Variants in SLC17A3 observed in about 807,000 individuals in gnomAD.
The protein encoded by SLC17A3 is solute carrier family 17 member 3.
SLC17A3 carries 61 observed loss-of-function variants against 60.3 expected under a neutral mutation model. That is an observed-to-expected ratio of 1.01 (90% CI 0.82 to 1.25). SLC17A3 has a LOEUF of 1.25. Among genes scored for constraint, SLC17A3 ranks in the 50% most tolerant of loss-of-function variants. The pLI is 0.00. For synonymous variants in SLC17A3, 192 were observed against 208.9 expected (o/e 0.92, Z 0.70); for missense variants, 624 against 594.9 (o/e 1.05, Z -0.51).
At chr6:25,849,614 T>C (rs771942336) in intron 10 of SLC17A3, 150 bp from the exon 11 acceptor site, 157 of 751,618 alleles carry the variant, frequency 2.1e-4, no homozygotes, top group Non-Finnish European at 3.0e-4. Flanking sequence ...ACTTGCACTA[T>C]GTATATTCAA....
intron 1 of SLC17A3, among the ~76,000 whole-genome samples, chr6:25,869,406 CA>C (rs1014325385): frequency 3.9e-5 from 6 of 151,948 alleles, no homozygotes; most frequent in Non-Finnish European, 7.4e-5. Flanking sequence ...TACTTAACCA[CA>C]ACTGCCCTGA....
At chr6:25,846,035 C>G (rs1765168816) in intron 11 of SLC17A3, among the ~76,000 whole-genome samples, 1 of 152,122 alleles carries the variant, frequency 6.6e-6, no homozygotes, top group African/African-American at 2.4e-5. Flanking sequence ...ATATGAAATA[C>G]CTATGCATAC....
chr6:25,847,267 T>A (rs1015570417), intron 11 of SLC17A3, among the ~76,000 whole-genome samples: 3 of 152,242 alleles, frequency 2.0e-5, no homozygotes, highest in Non-Finnish European at 4.4e-5. Flanking sequence ...TTCTGAATAG[T>A]ATTTCATGGT....
intron 2 of SLC17A3, among the ~76,000 whole-genome samples, chr6:25,864,787 G>A (rs1279607632): frequency 6.6e-6 from 1 of 151,922 alleles, no homozygotes; most frequent in Non-Finnish European, 1.5e-5. Flanking sequence ...ATAACATTGG[G>A]AGTTAATAAC....
intron 2 of SLC17A3, among the ~76,000 whole-genome samples, chr6:25,865,582 T>C (rs1027152229): frequency 1.3e-5 from 2 of 151,966 alleles, no homozygotes; most frequent in African/African-American, 4.8e-5. Context: ...GGCTTACAAA[T>C]GAGGAGGTTG....
chr6:25,849,799 T>A lies in SLC17A3; in HGVS notation c.1271+6A>T, dbSNP rs1473553714. ...GTGAAACTGATAGTGGAGATCAGAG[T>A]CCTACCTTGGAGCAATATCTAAGAC... On this transcript the variant is annotated splice_donor_region_variant and intron_variant, in intron 10 of 12. Transcript: ENST00000397060. 1.2e-6 allele frequency: 2 copies of A among 1,613,198 alleles called. No individual in the cohort carries two copies. Among genetic ancestry groups the A allele is most frequent in the Admixed American group, 3.3e-5 (2 of 59,992 alleles).
Position 25,861,989 on chromosome 6 carries a change from A to G in SLC17A3, c.344T>C (p.Ile115Thr), listed in dbSNP as rs755859454. 15 of 1,611,068 alleles carry G rather than the reference A, an allele frequency of 9.3e-6. No homozygotes were observed. The South Asian group carries it at 1.3e-4, about 14-fold the overall frequency. ...YDWSPQIQGIIFGAVGYGGIL... is the reference protein window; with the variant it reads ...YDWSPQIQGITFGAVGYGGIL... Reference sequence around the variant, plus strand: ...GCCACCATAGCCAACAGCACCAAAGATGATGCCTTGGATTTGAGGAGACCA... The same window carrying G: ...GCCACCATAGCCAACAGCACCAAAGGTGATGCCTTGGATTTGAGGAGACCA... Residue 115 changes from isoleucine (I) to threonine (T), a missense_variant, in exon 4 of 13, where the codon ATC becomes ACC. Coordinates refer to ENST00000397060, the MANE Select transcript of SLC17A3 (RefSeq NM_001098486.2).
intron 1 of SLC17A3, among the ~76,000 whole-genome samples, chr6:25,870,564 G>A (rs756372159): frequency 2.0e-5 from 3 of 151,962 alleles, no homozygotes; most frequent in Non-Finnish European, 4.4e-5. Context: ...GAATTAAGCA[G>A]CAATGGGAGT....
chr6:25,853,234 T>C (rs1428845098), intron 6 of SLC17A3, among the ~76,000 whole-genome samples: 1 of 152,008 alleles, frequency 6.6e-6, no homozygotes, highest in Admixed American at 6.5e-5. Flanking sequence ...GTCCTCTTTT[T>C]CATTCTTGAT....
At chr6:25,862,066 C>G (rs939490597) in intron 3 of SLC17A3, 37 bp from the exon 4 acceptor site, 2 of 1,511,930 alleles carry the variant, frequency 1.3e-6, no homozygotes, top group African/African-American at 2.8e-5. Context: ...AAACCTTACA[C>G]AAAAAGGTTC....
chr6:25,868,376 C>G lies in SLC17A3; in HGVS notation c.12G>C (p.Lys4Asn), dbSNP rs766853870. 1.9e-6 allele frequency: 3 copies of G among 1,611,950 alleles called. No homozygotes were observed. Among genetic ancestry groups the G allele is most frequent in the Non-Finnish European group, 1.7e-6 (2 of 1,178,662 alleles). Reference protein sequence around the residue: MATKTELSPTARES... With the variant: MATNTELSPTARES... ...CCCTTGCTGTGGGACTCAACTCTGT[C>G]TTGGTGGCCATTGTGTTTCTCCTCT... The change falls in exon 2 of 13, where the codon AAG (lysine) becomes AAC (asparagine). Residue 4 changes from lysine to asparagine, a missense_variant. Coordinates refer to ENST00000397060, the MANE Select transcript of SLC17A3 (RefSeq NM_001098486.2).
chr6:25,857,621 T>A (rs1765380138), intron 5 of SLC17A3, among the ~76,000 whole-genome samples: 1 of 151,360 alleles, frequency 6.6e-6, no homozygotes, highest in Non-Finnish European at 1.5e-5. Context: ...GCCCTAGTAG[T>A]CAGATTTATA....
At chr6:25,852,914 T>A (rs1765302055) in intron 6 of SLC17A3, among the ~76,000 whole-genome samples, 1 of 152,188 alleles carries the variant, frequency 6.6e-6, no homozygotes, top group Admixed American at 6.5e-5. Flanking sequence ...TGCCAGATAG[T>A]TTTGTATTCC....
At chr6:25,850,724 A>G (rs760355017) in intron 7 of SLC17A3, 35 bp downstream of exon 7, 1 of 1,604,276 alleles carries the variant, frequency 6.2e-7, no homozygotes, top group Non-Finnish European at 8.5e-7. Flanking sequence ...TCCAGATACA[A>G]GGTCTCAGAA....
At chr6:25,861,578 G>A (rs776724707) in intron 5 of SLC17A3, 46 bp downstream of exon 5, 4 of 1,500,334 alleles carry the variant, frequency 2.7e-6, no homozygotes, top group Non-Finnish European at 3.7e-6. Context: ...AACCCAGTGG[G>A]AAAATGTTGG....
chr6:25,866,800 T>C (rs965680901), intron 2 of SLC17A3, among the ~76,000 whole-genome samples: 1 of 151,978 alleles, frequency 6.6e-6, no homozygotes, highest in Non-Finnish European at 1.5e-5. Flanking sequence ...GTTGTGGCAA[T>C]TAATGGAAGA....
chr6:25,855,424 G>T (rs1765342704), intron 5 of SLC17A3, among the ~76,000 whole-genome samples, 194 bp from the exon 6 acceptor site: 1 of 152,106 alleles, frequency 6.6e-6, no homozygotes, highest in Admixed American at 6.6e-5. Flanking sequence ...CATTTTTCTG[G>T]TAGTTCCCTA....
chr6:25,850,007 T>C, intron 9 of SLC17A3, 41 bp downstream of exon 9: 2 of 1,614,000 alleles, frequency 1.2e-6, no homozygotes, highest in Non-Finnish European at 1.7e-6. Flanking sequence ...TTGGCTGTTG[T>C]ATGCTACGCA....
chr6:25,867,153 T>C (rs1307773332), intron 2 of SLC17A3, among the ~76,000 whole-genome samples: 3 of 151,998 alleles, frequency 2.0e-5, no homozygotes, highest in African/African-American at 7.2e-5. Flanking sequence ...GGTCTTCATA[T>C]TCAAAATGTG....
Sources: allele counts gnomAD v4.1 joint callset (sites outside exome capture counted in the v4.1 genomes callset), GRCh38; gene constraint gnomAD v4.1.1; transcripts MANE v1.5; gene names NCBI Gene and HGNC (gene_info 2026-07-23, HGNC 2026-07-21).